CLDN14: variants seen among roughly 807,000 people sequenced by gnomAD.
The protein encoded by CLDN14 is claudin-14.
CLDN14 carries 2 observed loss-of-function variants against 2.1 expected under a neutral mutation model. That is an observed-to-expected ratio of 0.96 (90% CI 0.39 to 3.01). The LOEUF is 3.01. Ranked by LOEUF, CLDN14 falls within the 30% of genes most tolerant of loss-of-function variation. The pLI, the probability that CLDN14 is intolerant of heterozygous loss-of-function variation, is 0.09. For missense variants in CLDN14, 298 were observed against 328.0 expected, an observed-to-expected ratio of 0.91 and a Z score of 0.71; for synonymous variants, 136 against 154.4, an observed-to-expected ratio of 0.88 and a Z score of 0.88.
chr21:36,537,715 T>A (rs910285076), intron 1 of CLDN14, among the ~76,000 whole-genome samples: 3 of 150,790 alleles, frequency 2.0e-5, no homozygotes, highest in Non-Finnish European at 4.4e-5. Context: ...AATGGTGTGA[T>A]CTTGGCTCAC....
At chr21:36,532,596 T>C (rs1209136568) in intron 1 of CLDN14, among the ~76,000 whole-genome samples, 1 of 151,724 alleles carries the variant, frequency 6.6e-6, no homozygotes, top group East Asian at 1.9e-4. Flanking sequence ...TAAAGTATAA[T>C]AATAATAAAA....
intron 1 of CLDN14, among the ~76,000 whole-genome samples, chr21:36,538,390 C>T (rs545924113): frequency 1.3e-5 from 2 of 152,068 alleles, no homozygotes; most frequent in Non-Finnish European, 2.9e-5. Flanking sequence ...GAAGAGACAG[C>T]GGATCACAAG....
At chr21:36,479,192 C>T (rs1443147088) in intron 1 of CLDN14, among the ~76,000 whole-genome samples, 3 of 152,180 alleles carry the variant, frequency 2.0e-5, no homozygotes, top group Non-Finnish European at 4.4e-5. Flanking sequence ...TCCTTCCTCC[C>T]AAACAGGCCT....
chr21:36,482,431 T>C (rs1167396877), upstream of CLDN14, among the ~76,000 whole-genome samples: 4 of 150,746 alleles, frequency 2.7e-5, no homozygotes, highest in African/African-American at 9.8e-5. Flanking sequence ...GATGGATGGA[T>C]GGATGGATGG....
In CLDN14 at chr21:36,490,736, T is replaced by C. The variant is rs531981832; in HGVS notation, c.-82+19627A>G. ...TTTTTGTAGAGATGGGGTCTCTCTATGCTGCGGAGGCTGGTCTCGAACTCT... is the reference window on the plus strand; with the variant it reads ...TTTTTGTAGAGATGGGGTCTCTCTACGCTGCGGAGGCTGGTCTCGAACTCT... On this transcript the variant is annotated intron_variant, in intron 2 of 2. Coordinates refer to the CLDN14 transcript ENST00000342108. Among the ~76,000 whole-genome samples, 8 of 152,260 alleles carry C rather than the reference T, an allele frequency of 5.3e-5. No individual in the cohort carries two copies. The South Asian group carries it at 1.5e-3, about 28-fold the overall frequency.
At chr21:36,472,651 C>T (rs2086724276) in intron 1 of CLDN14, among the ~76,000 whole-genome samples, 1 of 152,164 alleles carries the variant, frequency 6.6e-6, no homozygotes, top group South Asian at 2.1e-4. Flanking sequence ...CAACAAAATA[C>T]CACAGACTTG....
At chr21:36,467,487 C>T (rs1379830100) in intron 1 of CLDN14, among the ~76,000 whole-genome samples, 3 of 152,126 alleles carry the variant, frequency 2.0e-5, no homozygotes, top group African/African-American at 7.2e-5. Flanking sequence ...TGTGCTGGGG[C>T]CTCTGTCAGT....
At chr21:36,513,682 G>GCTTAT (rs2087202272) in intron 1 of CLDN14, among the ~76,000 whole-genome samples, 3 of 152,286 alleles carry the variant, frequency 2.0e-5, no homozygotes, top group African/African-American at 7.2e-5. Context: ...CTGTGGCTGG[G>GCTTAT]GAGGCAGAGA....
chr21:36,480,733 A>G (rs2086835896), upstream of CLDN14: 1 of 152,064 alleles, frequency 6.6e-6, no homozygotes, highest in African/African-American at 2.4e-5. Context: ...CATGACAAGA[A>G]TTTCCGCCCC....
rs371726287 is a variant in CLDN14 at position 36,552,131 on chromosome 21, G to A, written c.-220+24280C>T. 1.6e-4 allele frequency among the ~76,000 whole-genome samples: 24 copies of A among 152,308 alleles called. No homozygotes were observed. The East Asian group carries it at 4.2e-3, about 27-fold the overall frequency. On this transcript the variant is annotated intron_variant, in intron 1 of 2. Coordinates refer to the CLDN14 transcript ENST00000342108. ...AGGTATTCTTGTAAGCAGTTTGCTGGCATGAGCCAAAGGCAGGAAAACTAG... is the reference window on the plus strand; with the variant it reads ...AGGTATTCTTGTAAGCAGTTTGCTGACATGAGCCAAAGGCAGGAAAACTAG...
intron 1 of CLDN14, among the ~76,000 whole-genome samples, chr21:36,534,407 C>G (rs1265376192): frequency 6.6e-6 from 1 of 152,140 alleles, no homozygotes; most frequent in Non-Finnish European, 1.5e-5. Flanking sequence ...CCGTGGGAAC[C>G]AGAGCAAGGT....
intron 1 of CLDN14, among the ~76,000 whole-genome samples, chr21:36,512,295 C>G (rs2087192887): frequency 6.6e-6 from 1 of 152,130 alleles, no homozygotes; most frequent in Non-Finnish European, 1.5e-5. Context: ...TGCTGTGTCC[C>G]TTCTACGAGC....
intron 1 of CLDN14, among the ~76,000 whole-genome samples, chr21:36,550,444 G>C (rs934360467): frequency 2.0e-5 from 3 of 152,192 alleles, no homozygotes; most frequent in Admixed American, 1.3e-4. Context: ...TATATGTGGA[G>C]GGAGAATTGG....
intron 1 of CLDN14, among the ~76,000 whole-genome samples, chr21:36,472,705 C>G (rs1568846202): frequency 6.6e-6 from 1 of 152,194 alleles, no homozygotes; most frequent in Admixed American, 6.5e-5. Context: ...ATTCCGGAGG[C>G]TGGAAAGTCC....
chr21:36,552,419 C>G (rs1192451110), intron 1 of CLDN14, among the ~76,000 whole-genome samples: 2 of 152,188 alleles, frequency 1.3e-5, no homozygotes. Context: ...AGCGGGCACA[C>G]TTAAGGACAC....
chr21:36,556,573 G>A (rs2087600548), intron 1 of CLDN14, among the ~76,000 whole-genome samples: 1 of 152,180 alleles, frequency 6.6e-6, no homozygotes, highest in Admixed American at 6.5e-5. Flanking sequence ...CCTCTACGAA[G>A]AAAACAATGC....
rs112112443 is a variant in CLDN14 at position 36,460,869 on chromosome 21, C to T, written c.*107G>A. The T allele has an allele frequency of 9.4e-4, 1,259 of 1,343,872 alleles. 7 individuals are homozygous for T. The highest frequency in any genetic ancestry group is 8.4e-3 in the Middle Eastern group (33 of 3,944). The allele number at this position is 1,343,872 out of a possible 1,614,324, so 83.2% of individuals were successfully genotyped here. A position where few individuals can be genotyped will look rare whatever the true frequency, so the allele number is the denominator to read the frequency against. ...CGCATTCACATTATTTCCTTGGATACAAAAATTGCCCAGAAGTAAACTTTG... is the reference window on the plus strand; with the variant it reads ...CGCATTCACATTATTTCCTTGGATATAAAAATTGCCCAGAAGTAAACTTTG... On this transcript the variant is annotated 3_prime_UTR_variant, in exon 2 of 2. Transcript: ENST00000399135. The surrounding 1 kb of genome is among the most constrained non-coding windows in gnomAD (Gnocchi z 4.0).
chr21:36,571,612 G>C (rs141023445), intron 1 of CLDN14, among the ~76,000 whole-genome samples: 54 of 152,248 alleles, frequency 3.5e-4, no homozygotes, highest in African/African-American at 1.2e-3. Flanking sequence ...TGAGATGAAG[G>C]GGGTGGTGCG....
intron 1 of CLDN14, among the ~76,000 whole-genome samples, chr21:36,462,731 ACCAGC>A (rs2086594193): frequency 6.6e-6 from 1 of 151,950 alleles, no homozygotes; most frequent in Admixed American, 6.6e-5. Flanking sequence ...GGAGTTCAAG[ACCAGC>A]CTGGCCAACA....
Sources: allele counts gnomAD v4.1 joint callset (sites outside exome capture counted in the v4.1 genomes callset), GRCh38; gene constraint gnomAD v4.1.1; non-coding constraint Gnocchi (gnomAD v3.1); transcripts MANE v1.5; gene names NCBI Gene and HGNC (gene_info 2026-07-23, HGNC 2026-07-21).